Variants in SPATA6 observed in about 807,000 individuals in gnomAD.
SPATA6 encodes spermatogenesis-associated protein 6.
A neutral mutation model predicts 65.3 loss-of-function variants in SPATA6; 56 were observed. The observed-to-expected ratio is 0.86, with a 90% CI of 0.69 to 1.07. The LOEUF is 1.07. Among genes scored for constraint, SPATA6 ranks in the 50% least tolerant of loss-of-function variants. The probability of loss-of-function intolerance (pLI) is 0.00; values close to 1 mark genes in which losing one functional copy is unlikely to be tolerated. For synonymous variants in SPATA6, 199 were observed against 213.2 expected, an observed-to-expected ratio of 0.93 and a Z score of 0.58; for missense variants, 590 against 594.8, an observed-to-expected ratio of 0.99 and a Z score of 0.08.
At chr1:48,372,440 T>C (rs916094992) in intron 9 of SPATA6, among the ~76,000 whole-genome samples, 7 of 152,156 alleles carry the variant, frequency 4.6e-5, no homozygotes, top group African/African-American at 1.7e-4. Flanking sequence ...TGGGTTCCCA[T>C]GGTGTTAGGC....
intron 11 of SPATA6, among the ~76,000 whole-genome samples, chr1:48,341,648 G>T (rs1646218264): frequency 6.6e-6 from 1 of 151,990 alleles, no homozygotes; most frequent in South Asian, 2.1e-4. Context: ...TCTTGACTTG[G>T]AAAGAAAAAA....
At chr1:48,431,796 A>T (rs191125557) in intron 3 of SPATA6, among the ~76,000 whole-genome samples, 1 of 152,360 alleles carries the variant, frequency 6.6e-6, no homozygotes, top group Admixed American at 6.5e-5. Context: ...AGAAATCTAC[A>T]GCTATCAATG....
Position 48,297,122 on chromosome 1 carries a change from A to G in SPATA6, c.*1591T>C, listed in dbSNP as rs1209969995. On this transcript the variant is annotated 3_prime_UTR_variant, in exon 13 of 13. Transcript: ENST00000371847. ...CTATAATCCTACATATGACTCTCTAAGAGGTGTGTGTGTGTGTGTGTGTGT... is the reference window on the plus strand; with the variant it reads ...CTATAATCCTACATATGACTCTCTAGGAGGTGTGTGTGTGTGTGTGTGTGT... 2.7e-5 allele frequency: 3 copies of G among 109,234 alleles called. No individual in the cohort carries two copies. The Admixed American group carries it at 3.1e-4, about 11-fold the overall frequency. The allele number at this position is 109,234 out of a possible 1,614,324, so 6.8% of individuals were successfully genotyped here.
chr1:48,314,061 A>G (rs1645320052), intron 11 of SPATA6, among the ~76,000 whole-genome samples: 1 of 152,174 alleles, frequency 6.6e-6, no homozygotes, highest in East Asian at 1.9e-4. Flanking sequence ...GAGACCTACA[A>G]AGAGACTTAG....
intron 1 of SPATA6, among the ~76,000 whole-genome samples, chr1:48,463,247 C>G (rs1334379632): frequency 6.6e-6 from 1 of 152,122 alleles, no homozygotes; most frequent in Non-Finnish European, 1.5e-5. Context: ...CCTATTGGTT[C>G]TGTTTTTCTG....
At chr1:48,283,853 C>T in the SPATA6 span, among the ~76,000 whole-genome samples, 4 of 151,954 alleles carry the variant, frequency 2.6e-5, no homozygotes, top group South Asian at 2.1e-4. Flanking sequence ...TCTCTGGCTG[C>T]CCTTAACATT....
At chr1:48,436,003 C>G in intron 3 of SPATA6, 22 of 1,607,442 alleles carry the variant, frequency 1.4e-5, no homozygotes, top group Non-Finnish European at 1.7e-5. Flanking sequence ...TTCAAGAACA[C>G]AAGATGAATC....
intron 1 of SPATA6, among the ~76,000 whole-genome samples, chr1:48,463,024 G>T (rs58284153): frequency 0.12 from 17,515 of 152,084 alleles, 1,140 homozygotes; most frequent in African/African-American, 0.17. Context: ...TTCCTGCCCT[G>T]GGATAACAGA....
chr1:48,311,993 A>C (rs1645227536), intron 11 of SPATA6, among the ~76,000 whole-genome samples: 1 of 152,134 alleles, frequency 6.6e-6, no homozygotes, highest in African/African-American at 2.4e-5. Context: ...TCTGAGATAA[A>C]ACTGCAAGGT....
chr1:48,467,363 C>A (rs1262416340), intron 1 of SPATA6, among the ~76,000 whole-genome samples: 6 of 152,054 alleles, frequency 3.9e-5, no homozygotes, highest in Non-Finnish European at 8.8e-5. Context: ...TCAAAGATAA[C>A]ACCTAGTTTC....
At chr1:48,365,990 C>G (rs1396813135) in intron 9 of SPATA6, among the ~76,000 whole-genome samples, 5 of 152,068 alleles carry the variant, frequency 3.3e-5, no homozygotes, top group African/African-American at 9.7e-5. Context: ...TCTATTGAGA[C>G]TTTTTAGCAT....
chr1:48,369,379 G>T (rs567863500), intron 9 of SPATA6, among the ~76,000 whole-genome samples: 3 of 152,202 alleles, frequency 2.0e-5, no homozygotes, highest in Admixed American at 6.5e-5. Flanking sequence ...GCCCCCAGAG[G>T]TGGAGCCTAC....
intron 9 of SPATA6, among the ~76,000 whole-genome samples, chr1:48,367,008 T>C (rs1043145196): frequency 2.6e-5 from 4 of 151,612 alleles, no homozygotes; most frequent in Admixed American, 6.6e-5. Context: ...TTTGTTCTCG[T>C]TGGTTTCAAA....
At chr1:48,408,721 G>C (rs1651934456) in intron 5 of SPATA6, among the ~76,000 whole-genome samples, 1 of 152,198 alleles carries the variant, frequency 6.6e-6, no homozygotes, top group Non-Finnish European at 1.5e-5. Context: ...GGAATGCAGG[G>C]AGGAGCAAGT....
intron 3 of SPATA6, among the ~76,000 whole-genome samples, chr1:48,445,912 T>G (rs562253104): frequency 2.4e-4 from 37 of 152,062 alleles, no homozygotes; most frequent in Non-Finnish European, 4.4e-4. Context: ...TAAATTAGGT[T>G]AAGATTCAAG....
the SPATA6 span, among the ~76,000 whole-genome samples, chr1:48,271,562 C>A: frequency 5.6e-4 from 85 of 152,056 alleles, 1 homozygote; most frequent in Non-Finnish European, 2.9e-5. Flanking sequence ...CTTTTGCTGG[C>A]CCTTCGATGT....
chr1:48,332,888 G>A (rs891369640), intron 11 of SPATA6, among the ~76,000 whole-genome samples: 1 of 152,100 alleles, frequency 6.6e-6, no homozygotes, highest in African/African-American at 2.4e-5. Flanking sequence ...TTGGACCACA[G>A]TACAATAAAA....
intron 9 of SPATA6, among the ~76,000 whole-genome samples, chr1:48,367,366 T>A (rs1397299343): frequency 6.6e-6 from 1 of 152,134 alleles, no homozygotes; most frequent in Non-Finnish European, 1.5e-5. Context: ...ACTTTCTGTC[T>A]CGTTAATCTG....
At chr1:48,342,519 G>C (rs1570212606) in intron 11 of SPATA6, among the ~76,000 whole-genome samples, 1 of 151,872 alleles carries the variant, frequency 6.6e-6, no homozygotes, top group African/African-American at 2.4e-5. Flanking sequence ...GGGAGGCTAA[G>C]GCAGGAGAAT....
Sources: gnomAD v4.1 joint callset for allele counts (sites outside exome capture counted in the v4.1 genomes callset) on GRCh38, gnomAD v4.1.1 for gene constraint, MANE v1.5 for transcripts, NCBI Gene and HGNC (gene_info 2026-07-23, HGNC 2026-07-21) for gene names.